Variants in KCNN3 observed in about 807,000 individuals in gnomAD.
KCNN3 encodes the protein small conductance calcium-activated potassium channel protein 3.
KCNN3 carries 16 observed loss-of-function variants against 62.9 expected under a neutral mutation model. That is an observed-to-expected ratio of 0.25 (90% CI 0.17 to 0.39). The LOEUF is 0.39. Ranked by LOEUF, KCNN3 falls within the 10% of genes least tolerant of loss-of-function variation. KCNN3 has a pLI of 1.00. For synonymous variants in KCNN3, 370 were observed against 389.2 expected, an observed-to-expected ratio of 0.95 and a Z score of 0.58; for missense variants, 599 against 949.4, an observed-to-expected ratio of 0.63 and a Z score of 4.85.
intron 5 of KCNN3, among the ~76,000 whole-genome samples, chr1:154,724,493 G>C (rs1306995919): frequency 6.6e-6 from 1 of 152,204 alleles, no homozygotes; most frequent in Non-Finnish European, 1.5e-5. Context: ...TCAGAAAGAG[G>C]ACAGTCTTGC....
In KCNN3 at chr1:154,869,588, T is replaced by C. The variant is rs1558015425; in HGVS notation, c.377A>G (p.Gln126Arg). 6.2e-7 allele frequency: 1 copy of C among 1,613,954 alleles called. No homozygotes were observed. The highest frequency in any genetic ancestry group is 8.5e-7 in the Non-Finnish European group (1 of 1,179,982). The stretch of plus-strand genomic sequence containing the variant: ...GTCATTGAGATTGAGCTGGCTGCCT[T>C]GCCTGGAGGAAGGGTGGAGGATGGC... The part of the protein sequence containing the change: ...STAILHPSSR[Q>R]GSQLNLNDHL... Residue 126 changes from glutamine to arginine, a missense_variant, in exon 1 of 8, where the codon CAA (glutamine) becomes CGA (arginine). Around this residue, in one of 7 missense-constraint regions of KCNN3, gnomAD observed 112 missense variants for 142.9 expected, o/e 0.78. Coordinates refer to ENST00000271915, the MANE Select transcript of KCNN3 (RefSeq NM_002249.6). The surrounding 1 kb of genome is among the most constrained non-coding windows in gnomAD (Gnocchi z 6.1).
At chr1:154,787,562 G>A (rs1251096212) in intron 2 of KCNN3, among the ~76,000 whole-genome samples, 1 of 152,200 alleles carries the variant, frequency 6.6e-6, no homozygotes, top group African/African-American at 2.4e-5. Context: ...GAGAGGGCCA[G>A]TTTGGTGACT....
intron 1 of KCNN3, among the ~76,000 whole-genome samples, chr1:154,861,540 C>T (rs1460132490): frequency 2.0e-5 from 3 of 152,140 alleles, no homozygotes; most frequent in African/African-American, 7.2e-5. Flanking sequence ...CCCCTCTCCC[C>T]GGGCTTCTCA....
At chr1:154,751,952 GA>G (rs1647398077) in intron 3 of KCNN3, among the ~76,000 whole-genome samples, 1 of 152,208 alleles carries the variant, frequency 6.6e-6, no homozygotes, top group Non-Finnish European at 1.5e-5. Flanking sequence ...CAAAATGAAA[GA>G]GCCCAGACAG....
Position 154,780,026 on chromosome 1 carries a change from T to A in KCNN3, c.1030-7633A>T, listed in dbSNP as rs372444398. On this transcript the variant is annotated intron_variant, in intron 2 of 7. Coordinates refer to ENST00000271915, the MANE Select transcript of KCNN3 (RefSeq NM_002249.6). ...ACACCTCAGGACAGGGCCGTTCAGC[T>A]GCAATCTCTGCAGGGCCTGGGACAG... Among the ~76,000 whole-genome samples the A allele has an allele frequency of 2.0e-4, 31 of 152,186 alleles. No individual in the cohort carries two copies. In the South Asian group the frequency reaches 5.8e-3, roughly 29 times the overall value.
chr1:154,814,898 C>T (rs984162803), intron 2 of KCNN3, among the ~76,000 whole-genome samples: 3 of 152,196 alleles, frequency 2.0e-5, no homozygotes, highest in African/African-American at 4.8e-5. Context: ...CATCACCAGT[C>T]GCTGTTCTCT....
chr1:154,751,522 C>A (rs1647379424), intron 3 of KCNN3, among the ~76,000 whole-genome samples: 2 of 152,222 alleles, frequency 1.3e-5, no homozygotes, highest in Non-Finnish European at 2.9e-5. Context: ...TTACACAGAA[C>A]TTCTGATGGC....
intron 3 of KCNN3, among the ~76,000 whole-genome samples, chr1:154,754,194 AGGG>A (rs751126197): frequency 9.2e-5 from 14 of 152,222 alleles, no homozygotes; most frequent in Non-Finnish European, 1.6e-4. Flanking sequence ...AAGGTTTTTG[AGGG>A]GTAATAGTAG....
In KCNN3 at chr1:154,702,932, C is replaced by G. The variant is rs1270042172; in HGVS notation, c.*5044G>C. 6.6e-6 allele frequency: 1 copy of G among 151,238 alleles called. No individual in the cohort carries two copies. Among genetic ancestry groups the G allele is most frequent in the Non-Finnish European group, 1.5e-5 (1 of 67,880 alleles). The allele number at this position is 151,238 out of a possible 1,614,324, so 9.4% of individuals were successfully genotyped here. On this transcript the variant is annotated 3_prime_UTR_variant, in exon 8 of 8. Coordinates refer to ENST00000271915, the MANE Select transcript of KCNN3 (RefSeq NM_002249.6). ...AGGATACATTTTTCAGGTGTGTAAACAACTGTCACAGGGCACTTGGCACCT... is the reference window on the plus strand; with the variant it reads ...AGGATACATTTTTCAGGTGTGTAAAGAACTGTCACAGGGCACTTGGCACCT...
intron 3 of KCNN3, among the ~76,000 whole-genome samples, chr1:154,766,416 TTATATATATATATA>T (rs373253800): frequency 7.0e-5 from 5 of 71,812 alleles, no homozygotes; most frequent in East Asian, 6.6e-4. Context: ...TAGCCAGGCT[TTATATATATATATA>T]TATATATATA....
chr1:154,869,308 G>A lies in KCNN3; in HGVS notation c.657C>T (p.Ile219=). 1 of 1,613,638 alleles carries A rather than the reference G, an allele frequency of 6.2e-7. No individual in the cohort carries two copies. Among genetic ancestry groups the A allele is most frequent in the Non-Finnish European group, 8.5e-7 (1 of 1,179,596 alleles). ...QLFSPSNPPE[I]VISSREDNHA... is the part of the protein sequence containing the mutation. Reference sequence around the variant, plus strand: ...GGTTGTCCTCCCGGGAGGAGATGACGATCTCCGGGGGGTTGCTAGGGCTGA... The same window carrying A: ...GGTTGTCCTCCCGGGAGGAGATGACAATCTCCGGGGGGTTGCTAGGGCTGA... Residue 219 remains isoleucine (I), a synonymous_variant, in exon 1 of 8, where the codon ATC becomes ATT. Transcript: ENST00000271915. The surrounding 1 kb of genome is among the most constrained non-coding windows in gnomAD (Gnocchi z 6.1).
chr1:154,838,900 G>A (rs1355988086), intron 1 of KCNN3, among the ~76,000 whole-genome samples: 2 of 152,194 alleles, frequency 1.3e-5, no homozygotes, highest in African/African-American at 4.8e-5. Flanking sequence ...TCAAATTAAG[G>A]AGTGAATGAA....
intron 3 of KCNN3, among the ~76,000 whole-genome samples, chr1:154,762,138 T>A (rs1356760409): frequency 1.3e-5 from 2 of 152,236 alleles, no homozygotes; most frequent in Non-Finnish European, 2.9e-5. Context: ...AGAGGTTTGA[T>A]GTAAATTGAT....
chr1:154,744,380 G>A (rs967948970), intron 3 of KCNN3, among the ~76,000 whole-genome samples: 1 of 152,214 alleles, frequency 6.6e-6, no homozygotes, highest in African/African-American at 2.4e-5. Flanking sequence ...GCAACTAAGC[G>A]AAAAGACTGG....
chr1:154,702,700 G>GATATATATATATAT lies in KCNN3; in HGVS notation c.*5262_*5275dup, dbSNP rs67091748. On this transcript the variant is annotated 3_prime_UTR_variant, in exon 8 of 8. Coordinates refer to ENST00000271915, the MANE Select transcript of KCNN3 (RefSeq NM_002249.6). ...ACGTTGGCTGCTTCGATCTGATTCAGATATATATATATATATATATATATA... is the reference window on the plus strand; with the variant it reads ...ACGTTGGCTGCTTCGATCTGATTCAGATATATATATATATATATATATATATATATATATATATA... 2.3e-5 allele frequency: 1 copy of GATATATATATATAT among 43,070 alleles called. No homozygotes were observed. The highest frequency in any genetic ancestry group is 5.0e-5 in the Non-Finnish European group (1 of 19,804). 2.7% of individuals were successfully genotyped at this position (43,070 alleles called of 1,614,324 possible).
intron 5 of KCNN3, among the ~76,000 whole-genome samples, chr1:154,718,845 A>G (rs1700285778): frequency 6.6e-6 from 1 of 152,226 alleles, no homozygotes; most frequent in African/African-American, 2.4e-5. Flanking sequence ...ACATTAGCAC[A>G]GATCCTGGCC....
chr1:154,842,642 C>A (rs1175141777), intron 1 of KCNN3, among the ~76,000 whole-genome samples: 29 of 142,372 alleles, frequency 2.0e-4, no homozygotes, highest in Middle Eastern at 3.6e-3. Flanking sequence ...CCCCCCCCGC[C>A]ACCACCTCCT....
chr1:154,702,667 G>T lies in KCNN3; in HGVS notation c.*5309C>A, dbSNP rs1456619694. 7.1e-6 allele frequency: 1 copy of T among 140,980 alleles called. No individual in the cohort carries two copies. Among genetic ancestry groups the T allele is most frequent in the Non-Finnish European group, 1.5e-5 (1 of 65,882 alleles). The allele number at this position is 140,980 out of a possible 1,614,324, so 8.7% of individuals were successfully genotyped here. ...TGTTTATTCCTTGTCCTTCTTGAGT[G>T]AAGCTGGACGTTGGCTGCTTCGATC... On this transcript the variant is annotated 3_prime_UTR_variant, in exon 8 of 8. Coordinates refer to ENST00000271915, the MANE Select transcript of KCNN3 (RefSeq NM_002249.6).
At chr1:154,780,506 C>A in intron 2 of KCNN3, among the ~76,000 whole-genome samples, 1 of 148,482 alleles carries the variant, frequency 6.7e-6, no homozygotes. Flanking sequence ...GGAAAATTTC[C>A]ATCATTTAAA....
Sources: allele counts gnomAD v4.1 joint callset (sites outside exome capture counted in the v4.1 genomes callset), GRCh38; gene constraint gnomAD v4.1.1; regional missense constraint gnomAD v4.1.1; non-coding constraint Gnocchi (gnomAD v3.1); transcripts MANE v1.5; gene names NCBI Gene and HGNC (gene_info 2026-07-23, HGNC 2026-07-21).